Variants in DNAI4 observed in about 807,000 individuals in gnomAD.
DNAI4 encodes the protein dynein axonemal intermediate chain 4, also known as WD repeat domain 78.
Under a neutral mutation model 105.8 loss-of-function variants are expected in DNAI4, and 85 were observed. The observed-to-expected ratio is 0.80, with a 90% CI of 0.67 to 0.96. DNAI4 has a LOEUF of 0.96. Ranked by LOEUF, DNAI4 falls within the 40% of genes least tolerant of loss-of-function variation. The probability of loss-of-function intolerance (pLI) is 0.00; values close to 1 mark genes in which losing one functional copy is unlikely to be tolerated. For missense variants in DNAI4, 1,014 were observed against 1,005.6 expected, an observed-to-expected ratio of 1.01 and a Z score of -0.11; for synonymous variants, 352 against 331.5, an observed-to-expected ratio of 1.06 and a Z score of -0.67.
chr1:66,828,173 A>G (rs1645794104), intron 13 of DNAI4: 2 of 206,092 alleles, frequency 9.7e-6, no homozygotes, highest in South Asian at 1.6e-4. Context: ...TGGAAATTAC[A>G]TAGAAAAACA....
intron 1 of DNAI4, among the ~76,000 whole-genome samples, chr1:66,921,552 A>G (rs1205809332): frequency 1.3e-5 from 2 of 152,256 alleles, no homozygotes; most frequent in Non-Finnish European, 2.9e-5. Context: ...TTTCCTTAAT[A>G]GATGTTATGA....
intron 7 of DNAI4, among the ~76,000 whole-genome samples, chr1:66,849,079 T>C (rs751434664): frequency 2.0e-5 from 3 of 152,136 alleles, no homozygotes; most frequent in Non-Finnish European, 4.4e-5. Flanking sequence ...CAGCTGGGGA[T>C]CCTGGAATTC....
At chr1:66,916,083 TAAAAAAA>T (rs34693536) in intron 1 of DNAI4, among the ~76,000 whole-genome samples, 2 of 117,498 alleles carry the variant, frequency 1.7e-5, no homozygotes, top group Non-Finnish European at 3.4e-5. Context: ...AGACTCTGTC[TAAAAAAA>T]AAAAAAAAAA....
At chr1:66,891,126 C>A (rs1164878490) in intron 4 of DNAI4, 28 bp downstream of exon 4, 9 of 1,483,006 alleles carry the variant, frequency 6.1e-6, no homozygotes, top group Non-Finnish European at 7.5e-6. Context: ...CGGACTGTTA[C>A]TGAAATAAAC....
chr1:66,902,922 A>G (rs554316530), intron 2 of DNAI4, among the ~76,000 whole-genome samples: 1 of 152,304 alleles, frequency 6.6e-6, no homozygotes, highest in East Asian at 1.9e-4. Context: ...TTATTCCACT[A>G]CCACCCTGTT....
At chr1:66,879,983 G>A (rs1191976681) in intron 4 of DNAI4, among the ~76,000 whole-genome samples, 1 of 149,892 alleles carries the variant, frequency 6.7e-6, no homozygotes, top group African/African-American at 2.5e-5. Flanking sequence ...TTAAGGGGGT[G>A]GGTCTTTCCT....
At chr1:66,891,457 A>C (rs1569792993) in intron 3 of DNAI4, among the ~76,000 whole-genome samples, 191 bp from the exon 4 acceptor site, 1 of 152,024 alleles carries the variant, frequency 6.6e-6, no homozygotes, top group African/African-American at 2.4e-5. Flanking sequence ...CTTAAAATTT[A>C]TTTGTATCTT....
intron 3 of DNAI4, 108 bp downstream of exon 3, chr1:66,893,121 G>GAAAGAAAGAAAGAA (rs1352348435): frequency 1.9e-6 from 1 of 527,468 alleles, no homozygotes; most frequent in African/African-American, 2.0e-5. Context: ...AAGAAAGAAA[G>GAAAGAAAGAAAGAA]AAACTGGGAG....
intron 1 of DNAI4, among the ~76,000 whole-genome samples, chr1:66,922,689 G>T (rs1279068712): frequency 6.6e-6 from 1 of 152,184 alleles, no homozygotes; most frequent in East Asian, 1.9e-4. Flanking sequence ...TGCTTATAGA[G>T]TGAGGTATAA....
intron 4 of DNAI4, among the ~76,000 whole-genome samples, chr1:66,881,009 G>T (rs1279383723): frequency 6.6e-6 from 1 of 152,214 alleles, no homozygotes; most frequent in Non-Finnish European, 1.5e-5. Flanking sequence ...GCTTCAGAGG[G>T]TGGAAGCCCC....
chr1:66,844,194 G>T (rs1646221143), intron 8 of DNAI4, among the ~76,000 whole-genome samples: 1 of 149,036 alleles, frequency 6.7e-6, no homozygotes, highest in African/African-American at 2.5e-5. Flanking sequence ...TCACTATAAT[G>T]ATCTTTTTAC....
At chr1:66,840,007 G>A (rs898429266) in intron 9 of DNAI4, among the ~76,000 whole-genome samples, 3 of 152,006 alleles carry the variant, frequency 2.0e-5, no homozygotes, top group South Asian at 2.1e-4. Flanking sequence ...TGCTAATATC[G>A]GTGGTAACAG....
chr1:66,854,520 TTGGCCGGGTGCAG>T (rs1646460032), intron 7 of DNAI4, among the ~76,000 whole-genome samples: 1 of 152,196 alleles, frequency 6.6e-6, no homozygotes, highest in Non-Finnish European at 1.5e-5. Context: ...GAAGAAGATC[TTGGCCGGGTGCAG>T]TGGCTCACAC....
intron 1 of DNAI4, among the ~76,000 whole-genome samples, chr1:66,921,638 T>A (rs1388744867): frequency 1.3e-5 from 2 of 152,236 alleles, no homozygotes; most frequent in Non-Finnish European, 2.9e-5. Flanking sequence ...AGTTTTTGTA[T>A]TTTTCAATTT....
chr1:66,907,820 A>C (rs2100842202), intron 1 of DNAI4, among the ~76,000 whole-genome samples: 1 of 152,320 alleles, frequency 6.6e-6, no homozygotes, highest in South Asian at 2.1e-4. Flanking sequence ...CCATGGTCAT[A>C]CATGTGGCTT....
At chr1:66,882,061 T>A (rs1464998801) in intron 4 of DNAI4, among the ~76,000 whole-genome samples, 1 of 152,154 alleles carries the variant, frequency 6.6e-6, no homozygotes, top group Non-Finnish European at 1.5e-5. Context: ...CCACCATGAT[T>A]GTGAGGCCTC....
At chr1:66,876,573 G>A (rs773523316) in intron 4 of DNAI4, among the ~76,000 whole-genome samples, 1 of 152,018 alleles carries the variant, frequency 6.6e-6, no homozygotes, top group African/African-American at 2.4e-5. Flanking sequence ...TGGCAAATAG[G>A]ATTTTTGCCT....
At chr1:66,864,642 G>C (rs1476556756) in intron 6 of DNAI4, among the ~76,000 whole-genome samples, 1 of 152,098 alleles carries the variant, frequency 6.6e-6, no homozygotes, top group Admixed American at 6.5e-5. Flanking sequence ...ACGAGGTCAA[G>C]AGATCGAGAC....
At chr1:66,868,088 A>G (rs1183740251) in intron 6 of DNAI4, among the ~76,000 whole-genome samples, 1 of 152,220 alleles carries the variant, frequency 6.6e-6, no homozygotes, top group African/African-American at 2.4e-5. Context: ...ATGATTTTGT[A>G]ATGATGAATC....
Sources: gnomAD v4.1 joint callset for allele counts (sites outside exome capture counted in the v4.1 genomes callset) on GRCh38, gnomAD v4.1.1 for gene constraint, MANE v1.5 for transcripts, NCBI Gene and HGNC (gene_info 2026-07-23, HGNC 2026-07-21) for gene names.